The following AVEN variants were observed in gnomAD, a reference collection of about 807,000 sequenced individuals.
AVEN encodes the protein cell death regulator Aven.
A neutral mutation model predicts 38.1 loss-of-function variants in AVEN; 41 were observed. That is an observed-to-expected ratio of 1.08 (90% CI 0.84 to 1.40). The LOEUF (loss-of-function observed/expected upper bound fraction) is 1.40, where lower values mean the gene tolerates loss of function less well. Ranked by LOEUF, AVEN falls within the 40% of genes most tolerant of loss-of-function variation. AVEN has a pLI of 0.00. For missense variants in AVEN, 605 were observed against 438.8 expected, an observed-to-expected ratio of 1.38 and a Z score of -3.38; for synonymous variants, 206 against 171.8, an observed-to-expected ratio of 1.20 and a Z score of -1.56.
chr15:34,034,879 G>T (rs1009449162), intron 1 of AVEN, among the ~76,000 whole-genome samples: 1 of 152,102 alleles, frequency 6.6e-6, no homozygotes, highest in African/African-American at 2.4e-5. Flanking sequence ...TTTGCTTCAG[G>T]CTTTCTGGAA....
intron 2 of AVEN, among the ~76,000 whole-genome samples, chr15:33,943,179 A>G (rs1267226618): frequency 6.6e-6 from 1 of 152,228 alleles, no homozygotes; most frequent in African/African-American, 2.4e-5. Flanking sequence ...TAGGAGCACA[A>G]TTCACAATAG....
intron 3 of AVEN, among the ~76,000 whole-genome samples, chr15:33,873,128 G>C (rs1330381224): frequency 8.3e-6 from 1 of 121,196 alleles, no homozygotes; most frequent in Non-Finnish European, 1.6e-5. Context: ...TTGAGATGGA[G>C]TCTCTCTGTT....
chr15:34,038,387 C>T lies in AVEN; in HGVS notation c.267+393G>A, dbSNP rs147017879. Among the ~76,000 whole-genome samples the T allele has an allele frequency of 1.7e-3, 253 of 152,324 alleles. 2 individuals are homozygous for T. The highest frequency in any genetic ancestry group is 3.3e-3 in the Non-Finnish European group (223 of 68,016). On this transcript the variant is annotated intron_variant, in intron 1 of 5. Transcript: ENST00000306730. ...ACAGGAGCGTGCCCGTAAAGGCTGC[C>T]GAGGGACCACGTCGTGGCCGCGCCT...
At chr15:34,041,717 G>A (rs374366859), upstream of AVEN, among the ~76,000 whole-genome samples, 17 of 152,180 alleles carry the variant, frequency 1.1e-4, no homozygotes, top group African/African-American at 1.7e-4. Context: ...CACTTTCCAC[G>A]TACTAACTCA....
chr15:33,950,166 C>T (rs1397282932), intron 2 of AVEN, among the ~76,000 whole-genome samples: 1 of 152,078 alleles, frequency 6.6e-6, no homozygotes, highest in Non-Finnish European at 1.5e-5. Context: ...GAGTCAAATC[C>T]ACAGAAGCAG....
At chr15:33,990,627 C>G (rs184971001) in intron 2 of AVEN, 51 of 152,334 alleles carry the variant, frequency 3.3e-4, no homozygotes, top group African/African-American at 1.1e-3. Flanking sequence ...AAAGTACAGT[C>G]TCTGCTAGCG....
intron 2 of AVEN, among the ~76,000 whole-genome samples, chr15:33,899,963 A>G (rs140991796): frequency 6.6e-6 from 1 of 151,816 alleles, no homozygotes; most frequent in Non-Finnish European, 1.5e-5. Context: ...ACACAAGTAT[A>G]AAGTCATGTG....
chr15:34,041,659 G>T (rs539771350), upstream of AVEN, among the ~76,000 whole-genome samples: 17 of 152,316 alleles, frequency 1.1e-4, 1 homozygote, highest in South Asian at 3.3e-3. Flanking sequence ...GTTTGTGGAT[G>T]ATGCCAAGTT....
intron 11 of AVEN, chr15:33,860,721 T>A (rs529498013): frequency 1.6e-6 from 2 of 1,238,550 alleles, no homozygotes; most frequent in African/African-American, 1.6e-5. Flanking sequence ...CAAATAGATT[T>A]TTTAAACAAT....
intron 2 of AVEN, among the ~76,000 whole-genome samples, chr15:33,979,447 T>C (rs592585): frequency 0.78 from 118,529 of 152,100 alleles, 53,519 homozygotes; most frequent in East Asian, 0.98. Context: ...AGGTTGAGGC[T>C]GCACTCCAGC....
chr15:33,903,441 A>T (rs1017050307), intron 2 of AVEN, among the ~76,000 whole-genome samples: 4 of 152,234 alleles, frequency 2.6e-5, no homozygotes, highest in African/African-American at 9.6e-5. Context: ...TAAGCTGCCC[A>T]AAATACTTTC....
intron 5 of AVEN, among the ~76,000 whole-genome samples, 174 bp from the exon 6 acceptor site, chr15:33,866,902 T>C (rs1890587019): frequency 6.6e-6 from 1 of 152,214 alleles, no homozygotes; most frequent in Non-Finnish European, 1.5e-5. Context: ...ATTTGCTCTT[T>C]ATTCTGAAGT....
At chr15:33,954,324 A>G (rs543798351) in intron 2 of AVEN, among the ~76,000 whole-genome samples, 160 of 152,346 alleles carry the variant, frequency 1.1e-3, no homozygotes, top group African/African-American at 3.7e-3. Flanking sequence ...AGGATTATAA[A>G]TCATGCTACT....
intron 2 of AVEN, among the ~76,000 whole-genome samples, chr15:33,979,281 G>T (rs1262227229): frequency 6.6e-6 from 1 of 152,138 alleles, no homozygotes; most frequent in Admixed American, 6.5e-5. Flanking sequence ...CAGCACTTTG[G>T]GAGGCCAAGG....
At chr15:33,954,186 G>A (rs145826058) in intron 2 of AVEN, among the ~76,000 whole-genome samples, 2,232 of 152,254 alleles carry the variant, frequency 0.015, 44 homozygotes, top group African/African-American at 0.05. Context: ...AAATAGGAAC[G>A]CTTTTACACT....
intron 2 of AVEN, among the ~76,000 whole-genome samples, chr15:33,919,237 T>C (rs1004060140): frequency 3.3e-5 from 5 of 152,140 alleles, no homozygotes; most frequent in Admixed American, 1.3e-4. Flanking sequence ...CATACTAATA[T>C]CTTGCTAACA....
intron 5 of AVEN, among the ~76,000 whole-genome samples, chr15:34,052,202 T>C (rs2140828328): frequency 6.6e-6 from 1 of 152,106 alleles, no homozygotes; most frequent in Admixed American, 6.5e-5. Flanking sequence ...CATATGCAAA[T>C]CAATAAATGC....
intron 2 of AVEN, among the ~76,000 whole-genome samples, chr15:33,952,889 A>T (rs139223608): frequency 2.3e-4 from 35 of 152,210 alleles, no homozygotes; most frequent in Admixed American, 1.6e-3. Context: ...CATTTCAACA[A>T]CACATAGATC....
At chr15:34,021,339 A>G (rs2140716759) in intron 1 of AVEN, among the ~76,000 whole-genome samples, 1 of 151,696 alleles carries the variant, frequency 6.6e-6, no homozygotes. Context: ...AGACTGGAGT[A>G]CAATGGCGCC....
Sources: gnomAD v4.1 joint callset for allele counts (sites outside exome capture counted in the v4.1 genomes callset) on GRCh38, gnomAD v4.1.1 for gene constraint, MANE v1.5 for transcripts, NCBI Gene and HGNC (gene_info 2026-07-23, HGNC 2026-07-21) for gene names.